The following DAPK1 variants were observed in gnomAD, a reference collection of about 807,000 sequenced individuals.
DAPK1 encodes the protein death-associated protein kinase 1.
A neutral mutation model predicts 144.9 loss-of-function variants in DAPK1; 56 were observed. The ratio of observed to expected loss-of-function variants is 0.39; its 90% CI spans 0.31 to 0.48. The LOEUF (loss-of-function observed/expected upper bound fraction) is 0.48, where lower values mean the gene tolerates loss of function less well. DAPK1 is among the 20% of genes least tolerant of loss of function. The probability of loss-of-function intolerance (pLI) is 0.95; values close to 1 mark genes in which losing one functional copy is unlikely to be tolerated. For missense variants in DAPK1, 1,454 were observed against 1,875.4 expected (o/e 0.78, Z 4.15); for synonymous variants, 690 against 749.0 (o/e 0.92, Z 1.29).
chr9:87,562,959 C>T (rs1408344695), intron 2 of DAPK1, among the ~76,000 whole-genome samples: 2 of 152,152 alleles, frequency 1.3e-5, no homozygotes, highest in African/African-American at 4.8e-5. Flanking sequence ...ACCTCTTAAA[C>T]TTTTTTACTT....
chr9:87,589,817 GAA>G (rs374700274), intron 2 of DAPK1, among the ~76,000 whole-genome samples: 2 of 152,206 alleles, frequency 1.3e-5, no homozygotes, highest in African/African-American at 4.8e-5. Flanking sequence ...AGGATGTCCT[GAA>G]AAATACCTTA....
upstream of DAPK1, chr9:87,497,357 A>C (rs1373679532): frequency 6.6e-6 from 1 of 152,260 alleles, no homozygotes; most frequent in Non-Finnish European, 1.5e-5. Context: ...TGGTAAACGT[A>C]GGACTGATCC....
At chr9:87,561,930 G>T (rs547116754) in intron 2 of DAPK1, among the ~76,000 whole-genome samples, 1 of 152,222 alleles carries the variant, frequency 6.6e-6, no homozygotes, top group Non-Finnish European at 1.5e-5. Flanking sequence ...GCAAAAGGGG[G>T]TGCACTCCAG....
intron 18 of DAPK1, 90 bp downstream of exon 18, chr9:87,658,217 C>T: frequency 3.2e-6 from 2 of 625,422 alleles, no homozygotes; most frequent in Admixed American, 5.6e-5. Context: ...TATGGCAACT[C>T]TGCATTCTGA....
At chr9:87,518,063 A>G (rs1205578051) in intron 2 of DAPK1, among the ~76,000 whole-genome samples, 1 of 150,276 alleles carries the variant, frequency 6.7e-6, no homozygotes, top group Non-Finnish European at 1.5e-5. Context: ...GCGTTTTTAC[A>G]GCACAGTTGT....
intron 2 of DAPK1, among the ~76,000 whole-genome samples, chr9:87,518,368 T>A (rs1825164208): frequency 6.6e-6 from 1 of 151,310 alleles, no homozygotes; most frequent in East Asian, 1.9e-4. Context: ...CCTCTGGTGA[T>A]CCACCCACCT....
In DAPK1 at chr9:87,518,810, G is replaced by A. The variant is rs137980701; in HGVS notation, c.62+19671G>A. ...TGTTGGTGCCTGAAGAGTCTGGCCC[G>A]CGCCCAGTATTTGGCAGCTGTAAAA... is the stretch of plus-strand genomic sequence containing the variant. On this transcript the variant is annotated intron_variant, in intron 2 of 25. Coordinates refer to ENST00000408954, the MANE Select transcript of DAPK1 (RefSeq NM_004938.4). Among the ~76,000 whole-genome samples the A allele has an allele frequency of 4.2e-3, 641 of 151,962 alleles. 3 individuals carry two copies. Among genetic ancestry groups the A allele is most frequent in the African/African-American group, 9.2e-3 (381 of 41,448 alleles).
intron 2 of DAPK1, among the ~76,000 whole-genome samples, chr9:87,556,185 G>A (rs1013183291): frequency 6.6e-6 from 1 of 152,192 alleles, no homozygotes; most frequent in Non-Finnish European, 1.5e-5. Flanking sequence ...AATGACTTAT[G>A]CAGCCCAGCA....
At chr9:87,650,720 C>T (rs1327495888) in intron 16 of DAPK1, among the ~76,000 whole-genome samples, 1 of 152,114 alleles carries the variant, frequency 6.6e-6, no homozygotes, top group African/African-American at 2.4e-5. Flanking sequence ...GGTTCTGGGT[C>T]GGGGGCGACT....
At chr9:87,552,539 A>G (rs1251924398) in intron 2 of DAPK1, among the ~76,000 whole-genome samples, 1 of 152,008 alleles carries the variant, frequency 6.6e-6, no homozygotes, top group Admixed American at 6.6e-5. Flanking sequence ...GTACAGACAG[A>G]AAAAAAATCA....
At chr9:87,630,715 C>T (rs1447118394) in intron 3 of DAPK1, among the ~76,000 whole-genome samples, 5 of 152,070 alleles carry the variant, frequency 3.3e-5, no homozygotes, top group Admixed American at 1.3e-4. Context: ...GGAACACAAC[C>T]GAGGCTCTGC....
intron 3 of DAPK1, among the ~76,000 whole-genome samples, chr9:87,616,987 A>G (rs564571241): frequency 6.7e-4 from 102 of 152,340 alleles, no homozygotes; most frequent in African/African-American, 2.4e-3. Context: ...GGGAGAAAGT[A>G]ACTTCACTCT....
At chr9:87,585,561 C>T (rs1346330357) in intron 2 of DAPK1, among the ~76,000 whole-genome samples, 1 of 152,182 alleles carries the variant, frequency 6.6e-6, no homozygotes, top group African/African-American at 2.4e-5. Flanking sequence ...TAATTTTGGT[C>T]TCTGTTATTC....
intron 17 of DAPK1, among the ~76,000 whole-genome samples, chr9:87,654,795 T>C (rs1379920451): frequency 6.6e-6 from 1 of 152,150 alleles, no homozygotes; most frequent in Non-Finnish European, 1.5e-5. Context: ...AGCTCTCCCC[T>C]TGTGAGAGGA....
chr9:87,560,633 G>C (rs946020090), intron 2 of DAPK1, among the ~76,000 whole-genome samples: 16 of 150,264 alleles, frequency 1.1e-4, no homozygotes, highest in Non-Finnish European at 2.2e-4. Flanking sequence ...ATGTCCTTGA[G>C]GTTCATCCAC....
chr9:87,563,069 T>C (rs1171260876), intron 2 of DAPK1, among the ~76,000 whole-genome samples: 2 of 152,200 alleles, frequency 1.3e-5, no homozygotes, highest in Non-Finnish European at 2.9e-5. Context: ...CAGGGGCAGA[T>C]CTTGGGCCCC....
intron 2 of DAPK1, among the ~76,000 whole-genome samples, chr9:87,587,291 G>T (rs1285674073): frequency 6.6e-6 from 1 of 152,158 alleles, no homozygotes; most frequent in African/African-American, 2.4e-5. Flanking sequence ...GTTCCCTTAG[G>T]TTATTTAAAT....
At chr9:87,633,721 G>C (rs1052315063) in intron 3 of DAPK1, among the ~76,000 whole-genome samples, 2 of 152,186 alleles carry the variant, frequency 1.3e-5, no homozygotes, top group Non-Finnish European at 1.5e-5. Context: ...CCAGGCCAGA[G>C]AAGGGCAAGC....
At position 87,510,235 on chromosome 9, in the gene DAPK1, G is replaced by A. The variant is rs36228937; in HGVS notation, c.62+11096G>A. On this transcript the variant is annotated intron_variant, in intron 2 of 25. Transcript: ENST00000408954. The stretch of plus-strand genomic sequence containing the variant: ...AGGGTAATGTCAGCCTCGTGGCCAT[G>A]GAGAAGCAGGAAGTCCCTTGGTTTT... Among the ~76,000 whole-genome samples the A allele has an allele frequency of 8.1e-3, 1,226 of 152,280 alleles. 29 individuals are homozygous for A. In the East Asian group the frequency reaches 0.088, roughly 11 times the overall value.
Sources: gnomAD v4.1 joint callset for allele counts (sites outside exome capture counted in the v4.1 genomes callset) on GRCh38, gnomAD v4.1.1 for gene constraint, MANE v1.5 for transcripts, NCBI Gene and HGNC (gene_info 2026-07-23, HGNC 2026-07-21) for gene names.